MCM5: variants seen among roughly 807,000 people sequenced by gnomAD.
MCM5 encodes the protein minichromosome maintenance complex component 5, also known as DNA replication licensing factor MCM5.
In MCM5, 46 loss-of-function variants were observed where a neutral mutation model predicts 79.9. That is an observed-to-expected ratio of 0.58 (90% CI 0.45 to 0.74). The LOEUF is 0.74. MCM5 is among the 30% of genes least tolerant of loss of function. The pLI, the probability that MCM5 is intolerant of heterozygous loss-of-function variation, is 0.00. For synonymous variants in MCM5, 404 were observed against 390.5 expected (o/e 1.03, Z -0.41); for missense variants, 883 against 1,017.0 (o/e 0.87, Z 1.79).
At chr22:35,438,265 ACCC>A in the MCM5 span, among the ~76,000 whole-genome samples, 1 of 38,218 alleles carries the variant, frequency 2.6e-5, no homozygotes, top group Non-Finnish European at 5.0e-5. Flanking sequence ...CCACCCACCC[ACCC>A]ACCCACATAT....
chr22:35,405,149 C>G (rs746171286), intron 4 of MCM5, among the ~76,000 whole-genome samples: 32 of 151,652 alleles, frequency 2.1e-4, no homozygotes, highest in Non-Finnish European at 3.7e-4. Context: ...CCTCAGCCCC[C>G]CAAGTGGTTG....
At chr22:35,405,736 G>C (rs969660036) in intron 4 of MCM5, among the ~76,000 whole-genome samples, 5 of 152,062 alleles carry the variant, frequency 3.3e-5, no homozygotes, top group African/African-American at 1.2e-4. Flanking sequence ...ACGGCCGGGC[G>C]CGGTGGCTCA....
the MCM5 span, among the ~76,000 whole-genome samples, chr22:35,431,896 C>T: frequency 6.6e-6 from 1 of 152,322 alleles, no homozygotes; most frequent in East Asian, 1.9e-4. Flanking sequence ...TAATAGAGGA[C>T]ACTCAGCATG....
chr22:35,427,683 G>A (rs1932787025), downstream of MCM5, among the ~76,000 whole-genome samples: 1 of 151,908 alleles, frequency 6.6e-6, no homozygotes. Flanking sequence ...TTCTTCTAAT[G>A]TTATCCCTCC....
At chr22:35,439,873 G>T in the MCM5 span, among the ~76,000 whole-genome samples, 2 of 152,234 alleles carry the variant, frequency 1.3e-5, no homozygotes, top group African/African-American at 4.8e-5. Context: ...GCCTGGCATG[G>T]TGCCCAAAGC....
At chr22:35,403,611 C>G (rs112690670) in intron 4 of MCM5, 69 bp downstream of exon 4, 3 of 1,577,958 alleles carry the variant, frequency 1.9e-6, no homozygotes, top group African/African-American at 1.3e-5. Flanking sequence ...TGAGTGCTAG[C>G]TGTGTGGCCT....
intron 6 of MCM5, 49 bp from the exon 7 acceptor site, chr22:35,410,695 C>A: frequency 6.4e-7 from 1 of 1,556,866 alleles, no homozygotes. Context: ...GACTTGCTGT[C>A]CAAGTCAGAA....
intron 4 of MCM5, among the ~76,000 whole-genome samples, chr22:35,404,173 A>G (rs1000370315): frequency 2.6e-5 from 4 of 152,214 alleles, no homozygotes; most frequent in Admixed American, 6.5e-5. Context: ...GTTTTCTTAC[A>G]TAGTCTCATT....
intron 10 of MCM5, 83 bp downstream of exon 10, chr22:35,416,055 C>A: frequency 3.3e-6 from 5 of 1,521,978 alleles, no homozygotes; most frequent in Admixed American, 1.8e-5. Context: ...GCAGAAATCA[C>A]CTCTGACTTG....
intron 2 of MCM5, among the ~76,000 whole-genome samples, chr22:35,402,612 GGCGA>G (rs1166180726): frequency 6.6e-6 from 1 of 151,488 alleles, no homozygotes; most frequent in Non-Finnish European, 1.5e-5. Flanking sequence ...GGAGTGCCCT[GGCGA>G]GATCTCTGGT....
At position 35,400,515 on chromosome 22, in the gene MCM5, C is replaced by T. The variant is rs1932009617; in HGVS notation, c.77C>T (p.Ala26Val). 6.2e-6 allele frequency: 10 copies of T among 1,614,108 alleles called. No individual in the cohort carries two copies. The highest frequency in any genetic ancestry group is 8.5e-6 in the Non-Finnish European group (10 of 1,179,990). The change falls in exon 2 of 17, where the codon GCC becomes GTC. Residue 26 changes from alanine to valine, a missense_variant. By Grantham distance (64) the Ala-to-Val change is moderately conservative. This residue lies in a region of MCM5 where 455 missense variants were observed against 517.5 expected (regional missense o/e 0.88). Coordinates refer to ENST00000216122, the MANE Select transcript of MCM5 (RefSeq NM_006739.4). Reference sequence around the variant, plus strand: ...GACGCCCAGGCCGACGAGGGGCAGGCCCGCAAATCGCAGCTGCAGAGGCGC... The same window carrying T: ...GACGCCCAGGCCGACGAGGGGCAGGTCCGCAAATCGCAGCTGCAGAGGCGC... ...GGDAQADEGQ[A>V]RKSQLQRRFK...
At chr22:35,430,790 G>A in the MCM5 span, among the ~76,000 whole-genome samples, 4 of 147,946 alleles carry the variant, frequency 2.7e-5, no homozygotes, top group African/African-American at 5.0e-5. Flanking sequence ...GATTACAGGC[G>A]TGAGCCACTG....
At chr22:35,411,042 ATTTT>A in intron 7 of MCM5, 132 bp downstream of exon 7, 1 of 776,990 alleles carries the variant, frequency 1.3e-6, no homozygotes, top group Non-Finnish European at 2.0e-6. Flanking sequence ...TAGAACGTTC[ATTTT>A]TATATTAAGT....
At chr22:35,416,134 C>G (rs1279500581) in intron 10 of MCM5, among the ~76,000 whole-genome samples, 162 bp downstream of exon 10, 1 of 152,176 alleles carries the variant, frequency 6.6e-6, no homozygotes, top group African/African-American at 2.4e-5. Context: ...CCTCTTCAAG[C>G]CTCAGTTCCC....
intron 2 of MCM5, chr22:35,401,305 AG>A: frequency 2.3e-6 from 1 of 438,144 alleles, no homozygotes; most frequent in Non-Finnish European, 4.8e-6. Context: ...AGTTCCCTGT[AG>A]GTGTAAAAGG....
chr22:35,433,531 C>A, the MCM5 span, among the ~76,000 whole-genome samples: 1 of 152,210 alleles, frequency 6.6e-6, no homozygotes, highest in Admixed American at 6.5e-5. Context: ...CTTTGGGGAC[C>A]TTGGGGGGGT....
At chr22:35,409,528 T>G (rs371632649) in intron 6 of MCM5, 27 of 152,328 alleles carry the variant, frequency 1.8e-4, no homozygotes, top group African/African-American at 6.5e-4. Context: ...GAGCTGTGAT[T>G]ACACCACTCC....
the MCM5 span, among the ~76,000 whole-genome samples, chr22:35,441,415 T>C: frequency 6.6e-6 from 1 of 152,194 alleles, no homozygotes; most frequent in African/African-American, 2.4e-5. Flanking sequence ...GCTTGCAGGC[T>C]CTCTGGGTGC....
chr22:35,437,909 T>C, the MCM5 span, among the ~76,000 whole-genome samples: 1 of 152,102 alleles, frequency 6.6e-6, no homozygotes, highest in Admixed American at 6.6e-5. Context: ...CACATTTTAG[T>C]GAGGGAGACA....
Sources: gnomAD v4.1 joint callset for allele counts (sites outside exome capture counted in the v4.1 genomes callset) on GRCh38, gnomAD v4.1.1 for gene constraint, gnomAD v4.1.1 regional missense constraint, MANE v1.5 for transcripts, NCBI Gene and HGNC (gene_info 2026-07-23, HGNC 2026-07-21) for gene names.